The following SHANK2 variants were observed in gnomAD, a reference collection of about 807,000 sequenced individuals.
SHANK2 encodes the protein SH3 and multiple ankyrin repeat domains 2, also known as SH3 and multiple ankyrin repeat domains protein 2.
In SHANK2, 43 loss-of-function variants were observed where a neutral mutation model predicts 133.7. The ratio of observed to expected loss-of-function variants is 0.32; its 90% CI spans 0.25 to 0.41. SHANK2 has a LOEUF of 0.41. SHANK2 is among the 10% of genes least tolerant of loss of function. The pLI is 1.00. For missense variants in SHANK2, 1,994 were observed against 2,235.8 expected (o/e 0.89, Z 2.18); for synonymous variants, 1,017 against 952.8 (o/e 1.07, Z -1.24).
At position 70,785,273 on chromosome 11, in the gene SHANK2, A is replaced by C. The variant is rs1034547497; in HGVS notation, c.1777+13170T>G. ...CTCGTCCACACACCATCTTACCCCC[A>C]GACTTGAGGAGGCATGAGGTTTGCT... is the stretch of plus-strand genomic sequence containing the variant. On this transcript the variant is annotated intron_variant, in intron 14 of 25. Transcript: ENST00000601538. 5.3e-5 allele frequency among the ~76,000 whole-genome samples: 8 copies of C among 152,196 alleles called. No homozygotes were observed. The East Asian group carries it at 1.5e-3, about 29-fold the overall frequency.
chr11:70,500,712 G>A lies in SHANK2; in HGVS notation c.2288-122C>T, dbSNP rs1450556019. The A allele has an allele frequency of 7.6e-7, 1 of 1,323,792 alleles. No individual in the cohort carries two copies. The allele number at this position is 1,323,792 out of a possible 1,614,324, so 82.0% of individuals were successfully genotyped here. ...AGGCTGGGCCGGCAATGGGGCGGCA[G>A]GCAGGGGCTGTCTGGAACGCTGCGA... On this transcript the variant is annotated intron_variant, in intron 20 of 25. Coordinates refer to ENST00000601538, the MANE Select transcript of SHANK2 (RefSeq NM_012309.5). This position sits in a 1 kb window ranked among gnomAD's most constrained non-coding sequence, Gnocchi z 4.5.
chr11:71,087,297 G>A (rs1004581072), intron 8 of SHANK2, among the ~76,000 whole-genome samples: 198 of 152,272 alleles, frequency 1.3e-3, no homozygotes, highest in Middle Eastern at 3.4e-3. Flanking sequence ...AGATGGGCCC[G>A]GAGACATTTG....
rs1555158210 is a variant in SHANK2, at chr11:70,500,607, G to C, written c.2288-17C>G. ...GGACCGAGGCTTGCAAACAGAAAGG[G>C]GACCGCCATGAGCCACCAGGATGCA... On this transcript the variant is annotated splice_polypyrimidine_tract_variant and intron_variant, in intron 20 of 25. Coordinates refer to ENST00000601538, the MANE Select transcript of SHANK2 (RefSeq NM_012309.5). This position sits in a 1 kb window ranked among gnomAD's most constrained non-coding sequence, Gnocchi z 4.5. The C allele has an allele frequency of 6.3e-7, 1 of 1,599,652 alleles. No homozygotes were observed. The highest frequency in any genetic ancestry group is 1.1e-5 in the South Asian group (1 of 88,326).
At chr11:71,100,925 C>T (rs868990221) in intron 6 of SHANK2, among the ~76,000 whole-genome samples, 4 of 149,384 alleles carry the variant, frequency 2.7e-5, no homozygotes, top group Admixed American at 6.7e-5. Flanking sequence ...GAGGGATGGA[C>T]GGGTGGAGCA....
chr11:71,114,338 C>T (rs573358237), intron 4 of SHANK2, among the ~76,000 whole-genome samples: 55 of 152,250 alleles, frequency 3.6e-4, no homozygotes, highest in African/African-American at 1.3e-3. Flanking sequence ...TGCTCAGAGC[C>T]AGCAAAAACC....
chr11:70,474,014 C>T (rs1333141105), intron 25 of SHANK2: 1 of 190,070 alleles, frequency 5.3e-6, no homozygotes, highest in Non-Finnish European at 1.1e-5. Context: ...AGGGCAGGAT[C>T]CTTCCCAGGT....
At chr11:70,848,406 T>C (rs1949031692) in intron 11 of SHANK2, among the ~76,000 whole-genome samples, 2 of 152,120 alleles carry the variant, frequency 1.3e-5, no homozygotes, top group Non-Finnish European at 2.9e-5. Flanking sequence ...CTTCCCAAAG[T>C]GAGCTCCACG....
intron 15 of SHANK2, among the ~76,000 whole-genome samples, chr11:70,670,409 C>G (rs2134324179): frequency 6.6e-6 from 1 of 152,332 alleles, no homozygotes; most frequent in African/African-American, 2.4e-5. Flanking sequence ...GAGGACCCAA[C>G]AGGTGTCCCA....
chr11:71,202,204 G>T (rs1301194248), intron 2 of SHANK2, among the ~76,000 whole-genome samples: 1 of 152,332 alleles, frequency 6.6e-6, no homozygotes, highest in African/African-American at 2.4e-5. Flanking sequence ...CCCTTCTGCC[G>T]GGTGGCAGCC....
At chr11:70,817,506 A>G (rs782562328) in intron 12 of SHANK2, among the ~76,000 whole-genome samples, 13 of 152,148 alleles carry the variant, frequency 8.5e-5, no homozygotes, top group Non-Finnish European at 1.8e-4. Context: ...GGCTGTCCTG[A>G]TTTTAGCACT....
intron 17 of SHANK2, among the ~76,000 whole-genome samples, chr11:70,526,374 C>A (rs2059396616): frequency 6.6e-6 from 1 of 152,238 alleles, no homozygotes; most frequent in Admixed American, 6.5e-5. Flanking sequence ...TGGCCGTGGG[C>A]TGGCTCTCGC....
Position 70,502,348 on chromosome 11 carries a change from G to C in SHANK2, c.2198-62C>G, listed in dbSNP as rs2059067004. 2.1e-6 allele frequency: 3 copies of C among 1,462,702 alleles called. No individual in the cohort carries two copies. The Admixed American group carries it at 5.9e-5, about 29-fold the overall frequency. 90.6% of individuals were successfully genotyped at this position (1,462,702 alleles called of 1,614,324 possible). Reference sequence around the variant, plus strand: ...CCCATGTTTCCAGATATGGGAATAAGGCTAGCAGTGGCCCTGTGGCTGGCA... The same window carrying C: ...CCCATGTTTCCAGATATGGGAATAACGCTAGCAGTGGCCCTGTGGCTGGCA... On this transcript the variant is annotated intron_variant, in intron 18 of 25. Transcript: ENST00000601538.
At chr11:70,536,355 G>A (rs1030023778) in intron 17 of SHANK2, among the ~76,000 whole-genome samples, 4 of 152,186 alleles carry the variant, frequency 2.6e-5, no homozygotes, top group African/African-American at 4.8e-5. Context: ...AAATAAAACC[G>A]GAGCTGCGTC....
rs1383515690 is a variant in SHANK2, at chr11:70,781,790, C to T, written c.1777+16653G>A. On this transcript the variant is annotated intron_variant, in intron 14 of 25. Transcript: ENST00000601538. ...ATGTTCCAAAGGAATATAAATCATG[C>T]TACTGTAAAGACACATGCACACGTA... 5.4e-5 allele frequency among the ~76,000 whole-genome samples: 7 copies of T among 129,064 alleles called. 1 individual carries two copies. Among genetic ancestry groups the T allele is most frequent in the African/African-American group, 1.5e-4 (5 of 34,020 alleles). The allele number at this position is 129,064 out of a possible 152,430, so 84.7% of individuals were successfully genotyped here.
At chr11:70,944,495 T>G (rs1474098144) in intron 10 of SHANK2, among the ~76,000 whole-genome samples, 1 of 152,218 alleles carries the variant, frequency 6.6e-6, no homozygotes, top group Non-Finnish European at 1.5e-5. Flanking sequence ...TCTGGGACCG[T>G]CTCACTGATT....
chr11:70,715,261 G>A lies in SHANK2; in HGVS notation c.1778-16498C>T, dbSNP rs188320271. Among the ~76,000 whole-genome samples, 187 of 152,332 alleles carry A rather than the reference G, an allele frequency of 1.2e-3. 2 individuals are homozygous for A. The highest frequency in any genetic ancestry group is 2.2e-3 in the Non-Finnish European group (150 of 68,028). ...AAGGACCCTCATTGGAGAATGGGAC[G>A]GGCTGTGCCCAGGGTCACCCAGCCG... On this transcript the variant is annotated intron_variant, in intron 14 of 25. Coordinates refer to ENST00000601538, the MANE Select transcript of SHANK2 (RefSeq NM_012309.5).
intron 17 of SHANK2, among the ~76,000 whole-genome samples, chr11:70,532,202 T>C (rs1554973344): frequency 6.6e-6 from 1 of 152,104 alleles, no homozygotes; most frequent in Non-Finnish European, 1.5e-5. Flanking sequence ...CTCAGGAACA[T>C]GTCAGTTCCA....
intron 14 of SHANK2, among the ~76,000 whole-genome samples, chr11:70,735,462 T>G (rs1412460426): frequency 4.6e-5 from 7 of 152,046 alleles, no homozygotes; most frequent in African/African-American, 1.7e-4. Context: ...TCCCAGCACT[T>G]TGCGATGCTG....
chr11:70,873,222 C>T (rs1229183269), intron 11 of SHANK2: 7 of 432,768 alleles, frequency 1.6e-5, no homozygotes, highest in Non-Finnish European at 2.9e-5. Flanking sequence ...ATGAGTTTTG[C>T]CTTTCAAATG....
Sources: allele counts gnomAD v4.1 joint callset (sites outside exome capture counted in the v4.1 genomes callset), GRCh38; gene constraint gnomAD v4.1.1; non-coding constraint Gnocchi (gnomAD v3.1); transcripts MANE v1.5; gene names NCBI Gene and HGNC (gene_info 2026-07-23, HGNC 2026-07-21).